The following SEMA3D variants were observed in gnomAD, a reference collection of about 807,000 sequenced individuals.
SEMA3D encodes the protein semaphorin 3D.
Under a neutral mutation model 100.1 loss-of-function variants are expected in SEMA3D, and 84 were observed. The observed-to-expected ratio is 0.84, with a 90% CI of 0.70 to 1.01. The LOEUF (loss-of-function observed/expected upper bound fraction) is 1.01. Among genes scored for constraint, SEMA3D ranks in the 50% least tolerant of loss-of-function variants. The pLI, the probability that SEMA3D is intolerant of heterozygous loss-of-function variation, is 0.00. For synonymous variants in SEMA3D, 312 were observed against 320.7 expected, an observed-to-expected ratio of 0.97 and a Z score of 0.29; for missense variants, 875 against 934.1, an observed-to-expected ratio of 0.94 and a Z score of 0.82.
chr7:85,125,131 C>T (rs1789529896), intron 2 of SEMA3D, among the ~76,000 whole-genome samples: 1 of 152,014 alleles, frequency 6.6e-6, no homozygotes, highest in African/African-American at 2.4e-5. Flanking sequence ...TTTCTCATTA[C>T]ACTTTTTTTT....
At chr7:85,070,003 A>G (rs1239537029) in intron 6 of SEMA3D, among the ~76,000 whole-genome samples, 2 of 152,230 alleles carry the variant, frequency 1.3e-5, no homozygotes, top group Non-Finnish European at 2.9e-5. Context: ...GCCAAATAGT[A>G]TACAATCATT....
At chr7:85,049,939 T>C (rs1465720417) in intron 9 of SEMA3D, among the ~76,000 whole-genome samples, 1 of 151,804 alleles carries the variant, frequency 6.6e-6, no homozygotes, top group Non-Finnish European at 1.5e-5. Flanking sequence ...ATAAGTATAA[T>C]GGGCAGCTCT....
intron 1 of SEMA3D, among the ~76,000 whole-genome samples, chr7:85,179,485 T>G (rs950331458): frequency 6.6e-6 from 1 of 152,154 alleles, no homozygotes; most frequent in Non-Finnish European, 1.5e-5. Flanking sequence ...TATTGAATTT[T>G]AGACTTGCAT....
At chr7:85,044,018 T>C (rs1790934979) in intron 9 of SEMA3D, among the ~76,000 whole-genome samples, 1 of 152,094 alleles carries the variant, frequency 6.6e-6, no homozygotes, top group African/African-American at 2.4e-5. Context: ...TAAGACTAAT[T>C]TATTTAAATT....
the SEMA3D span, among the ~76,000 whole-genome samples, chr7:85,202,976 T>A: frequency 6.6e-6 from 1 of 152,182 alleles, no homozygotes; most frequent in Non-Finnish European, 1.5e-5. Flanking sequence ...AATACCAAAT[T>A]GAAACGTTTT....
chr7:85,049,170 GA>G (rs145301191), intron 9 of SEMA3D, among the ~76,000 whole-genome samples: 20 of 147,888 alleles, frequency 1.4e-4, no homozygotes, highest in African/African-American at 2.2e-4. Flanking sequence ...GGATAGAGGA[GA>G]AAAAAAAAGA....
At chr7:85,130,656 A>G (rs542880811) in intron 2 of SEMA3D, among the ~76,000 whole-genome samples, 1 of 152,290 alleles carries the variant, frequency 6.6e-6, no homozygotes, top group Non-Finnish European at 1.5e-5. Flanking sequence ...TGTTCGGTTT[A>G]ACTCTGCTAT....
chr7:85,000,496 T>C (rs1789626986), intron 18 of SEMA3D, among the ~76,000 whole-genome samples: 1 of 152,176 alleles, frequency 6.6e-6, no homozygotes, highest in African/African-American at 2.4e-5. Flanking sequence ...AGAGCTGTAA[T>C]TGAGTAGGAC....
rs183660584 is a variant in SEMA3D, at chr7:85,185,789, C to A, written c.-173+889G>T. ...AACAGTGCCGAAAACGGCCCGTGCG[C>A]TACCAGGGTAGCCCATTAACGCATT... On this transcript the variant is annotated intron_variant, in intron 1 of 18. Coordinates refer to ENST00000284136, the MANE Select transcript of SEMA3D (RefSeq NM_001384900.1). Among the ~76,000 whole-genome samples the A allele has an allele frequency of 1.8e-3, 273 of 152,336 alleles. 1 individual carries two copies. The highest frequency in any genetic ancestry group is 6.8e-3 in the Middle Eastern group (2 of 294).
intron 2 of SEMA3D, among the ~76,000 whole-genome samples, chr7:85,138,040 T>A (rs2116453088): frequency 6.6e-6 from 1 of 152,142 alleles, no homozygotes; most frequent in African/African-American, 2.4e-5. Context: ...CTCCAAAAAA[T>A]TTGGAAAGAT....
At position 84,999,595 on chromosome 7, in the gene SEMA3D, G is replaced by A; in HGVS notation, c.2179C>T (p.Leu727Phe). 6.2e-7 allele frequency: 1 copy of A among 1,614,100 alleles called. No homozygotes were observed. Among genetic ancestry groups the A allele is most frequent in the Non-Finnish European group, 8.5e-7 (1 of 1,180,022 alleles). ...IQILSSPNFSLDQYCEQMWHR... is the reference protein window; with the variant it reads ...IQILSSPNFSFDQYCEQMWHR... ...CACATCTGTTCGCAGTACTGGTCGAGGCTGAAGTTTGGGCTGCTAAGGATT... is the reference window on the plus strand; with the variant it reads ...CACATCTGTTCGCAGTACTGGTCGAAGCTGAAGTTTGGGCTGCTAAGGATT... Residue 727 changes from leucine (L) to phenylalanine (F), a missense_variant, in exon 19 of 19, where the codon CTC becomes TTC. Transcript: ENST00000284136.
intron 9 of SEMA3D, among the ~76,000 whole-genome samples, chr7:85,049,920 T>C (rs1791112968): frequency 6.6e-6 from 1 of 151,488 alleles, no homozygotes; most frequent in African/African-American, 2.4e-5. Context: ...GAATCTGGAG[T>C]AGACTTGCAT....
At chr7:85,238,259 C>T in the SEMA3D span, among the ~76,000 whole-genome samples, 3,959 of 152,190 alleles carry the variant, frequency 0.026, 184 homozygotes, top group African/African-American at 0.091. Context: ...CCTTTAGTGT[C>T]ATATCTAAAA....
intron 2 of SEMA3D, among the ~76,000 whole-genome samples, chr7:85,122,809 T>G (rs1323599724): frequency 6.6e-6 from 1 of 152,110 alleles, no homozygotes; most frequent in Non-Finnish European, 1.5e-5. Flanking sequence ...GAAAAACAAA[T>G]TCCAAAATAT....
chr7:85,011,913 T>C (rs1789963723), intron 17 of SEMA3D, among the ~76,000 whole-genome samples: 1 of 151,758 alleles, frequency 6.6e-6, no homozygotes, highest in South Asian at 2.1e-4. Context: ...AACATTGTGA[T>C]AAATGTGTTC....
intron 2 of SEMA3D, among the ~76,000 whole-genome samples, chr7:85,138,665 TTAA>T (rs1047228617): frequency 7.0e-5 from 10 of 143,474 alleles, no homozygotes; most frequent in African/African-American, 2.3e-4. Flanking sequence ...AATATATATA[TTAA>T]ATTAAATATA....
At chr7:85,007,663 C>G (rs957236275) in intron 17 of SEMA3D, among the ~76,000 whole-genome samples, 16 of 151,670 alleles carry the variant, frequency 1.1e-4, no homozygotes, top group African/African-American at 3.4e-4. Flanking sequence ...CTAGAGTAGC[C>G]AAAGGCTGTG....
At chr7:85,150,032 G>C (rs1042998812) in intron 2 of SEMA3D, among the ~76,000 whole-genome samples, 3 of 151,960 alleles carry the variant, frequency 2.0e-5, no homozygotes, top group Non-Finnish European at 4.4e-5. Flanking sequence ...CAGGTACTAA[G>C]GATCTCAGTG....
chr7:85,028,136 C>T, intron 12 of SEMA3D: 1 of 642,964 alleles, frequency 1.6e-6, no homozygotes, highest in South Asian at 1.5e-5. Flanking sequence ...GGCCCAAGGT[C>T]CAAGTAGAGT....
Sources: gnomAD v4.1 joint callset for allele counts (sites outside exome capture counted in the v4.1 genomes callset) on GRCh38, gnomAD v4.1.1 for gene constraint, MANE v1.5 for transcripts, NCBI Gene and HGNC (gene_info 2026-07-23, HGNC 2026-07-21) for gene names.